Variants in IKZF3 observed in about 807,000 individuals in gnomAD.
IKZF3 encodes the protein IKAROS family zinc finger 3, also known as zinc finger protein Aiolos.
Under a neutral mutation model 49.0 loss-of-function variants are expected in IKZF3, and 10 were observed. That is an observed-to-expected ratio of 0.20 (90% CI 0.13 to 0.35). The LOEUF (loss-of-function observed/expected upper bound fraction) is 0.35. Ranked by LOEUF, IKZF3 falls within the 10% of genes least tolerant of loss-of-function variation. IKZF3 has a pLI of 1.00. For synonymous variants in IKZF3, 209 were observed against 228.2 expected (o/e 0.92, Z 0.76); for missense variants, 498 against 664.8 (o/e 0.75, Z 2.76).
intron 1 of IKZF3, among the ~76,000 whole-genome samples, chr17:39,841,004 C>A (rs2062448355): frequency 6.6e-6 from 1 of 151,942 alleles, no homozygotes; most frequent in Non-Finnish European, 1.5e-5. Flanking sequence ...TGGCGAAACC[C>A]CATCTCTACG....
At chr17:39,807,589 A>G (rs2061462196) in intron 3 of IKZF3, among the ~76,000 whole-genome samples, 2 of 104,518 alleles carry the variant, frequency 1.9e-5, no homozygotes, top group Non-Finnish European at 3.6e-5. Flanking sequence ...GGGCCTCTAT[A>G]TGTTTCCAGC....
chr17:39,858,635 C>T (rs202024816), intron 1 of IKZF3, among the ~76,000 whole-genome samples: 3 of 151,770 alleles, frequency 2.0e-5, no homozygotes, highest in African/African-American at 4.8e-5. Flanking sequence ...CTCAGCCTCC[C>T]GAGTAGCTGG....
rs1026292781 is a variant in IKZF3 at position 39,764,420 on chromosome 17, G to A, written c.*1370C>T. On this transcript the variant is annotated 3_prime_UTR_variant, in exon 8 of 8. Coordinates refer to ENST00000346872, the MANE Select transcript of IKZF3 (RefSeq NM_012481.5). Reference sequence around the variant, plus strand: ...GTCGAGGCTGCACTGAGCCATGATTGCACCACTGCACTCCAGCCTGGGCAA... The same window carrying A: ...GTCGAGGCTGCACTGAGCCATGATTACACCACTGCACTCCAGCCTGGGCAA... 2.8e-5 allele frequency: 4 copies of A among 145,412 alleles called. No homozygotes were observed. Among genetic ancestry groups the A allele is most frequent in the African/African-American group, 1.0e-4 (4 of 38,238 alleles). 9.0% of individuals were successfully genotyped at this position (145,412 alleles called of 1,614,324 possible).
rs1031139206 is a variant in IKZF3, at chr17:39,761,976, A to G, written c.*3814T>C. Reference sequence around the variant, plus strand: ...TGCCCCAGCCTCCCAAAGTGCTGGCATTACAGGCGTGAGCTATCGCGCCCG... The same window carrying G: ...TGCCCCAGCCTCCCAAAGTGCTGGCGTTACAGGCGTGAGCTATCGCGCCCG... On this transcript the variant is annotated 3_prime_UTR_variant, in exon 8 of 8. Coordinates refer to ENST00000346872, the MANE Select transcript of IKZF3 (RefSeq NM_012481.5). 2.0e-5 allele frequency: 3 copies of G among 152,412 alleles called. No homozygotes were observed. The highest frequency in any genetic ancestry group is 1.9e-4 in the East Asian group (1 of 5,214). 9.4% of individuals were successfully genotyped at this position (152,412 alleles called of 1,614,324 possible).
intron 6 of IKZF3, among the ~76,000 whole-genome samples, chr17:39,786,757 C>T (rs182805658): frequency 4.6e-5 from 7 of 152,152 alleles, no homozygotes; most frequent in Non-Finnish European, 4.4e-5. Flanking sequence ...CTGTGTATGA[C>T]CTGTTTGTTT....
chr17:39,846,880 A>G (rs1205372310), intron 1 of IKZF3, among the ~76,000 whole-genome samples: 2 of 152,000 alleles, frequency 1.3e-5, no homozygotes, highest in African/African-American at 4.8e-5. Context: ...GGAAAGCAAA[A>G]TGTCAAATCT....
chr17:39,843,760 T>C (rs2062548212), intron 1 of IKZF3, among the ~76,000 whole-genome samples: 3 of 149,380 alleles, frequency 2.0e-5, no homozygotes, highest in Non-Finnish European at 4.4e-5. Context: ...TGAGCCGAGA[T>C]GGCACCACTG....
intron 3 of IKZF3, among the ~76,000 whole-genome samples, chr17:39,825,556 A>G (rs2061934208): frequency 6.6e-6 from 1 of 152,184 alleles, no homozygotes; most frequent in Admixed American, 6.5e-5. Context: ...GTTGACTGGT[A>G]TCTGGCCCTG....
intron 1 of IKZF3, among the ~76,000 whole-genome samples, chr17:39,847,290 C>A (rs1392388492): frequency 1.3e-5 from 2 of 152,092 alleles, no homozygotes; most frequent in Non-Finnish European, 2.9e-5. Flanking sequence ...ATCCCTATAA[C>A]CGATGAAATT....
chr17:39,854,759 T>G (rs779493975), intron 1 of IKZF3, among the ~76,000 whole-genome samples: 30 of 152,132 alleles, frequency 2.0e-4, no homozygotes, highest in Non-Finnish European at 4.0e-4. Context: ...TTGGACTTGT[T>G]GAGTTGGAAG....
intron 7 of IKZF3, among the ~76,000 whole-genome samples, chr17:39,766,897 G>A (rs1374050960): frequency 2.0e-5 from 3 of 152,024 alleles, no homozygotes; most frequent in Admixed American, 6.6e-5. Flanking sequence ...AGACACAGTC[G>A]GCTCCCAACT....
In IKZF3 at chr17:39,761,205, C is replaced by T. The variant is rs2060174900; in HGVS notation, c.*4585G>A. 6.6e-6 allele frequency: 1 copy of T among 152,200 alleles called. No individual in the cohort carries two copies. The highest frequency in any genetic ancestry group is 1.5e-5 in the Non-Finnish European group (1 of 68,034). The allele number at this position is 152,200 out of a possible 1,614,324, so 9.4% of individuals were successfully genotyped here. A position where few individuals can be genotyped will look rare whatever the true frequency, so the allele number is the denominator to read the frequency against. On this transcript the variant is annotated 3_prime_UTR_variant, in exon 8 of 8. Coordinates refer to ENST00000346872, the MANE Select transcript of IKZF3 (RefSeq NM_012481.5). ...ACAAAGTCAGAAGCTGTGTCAGGAA[C>T]AGCTCACAGTGGGTCATAAAGCATA...
At chr17:39,772,856 T>C (rs2060479338) in intron 7 of IKZF3, among the ~76,000 whole-genome samples, 2 of 152,172 alleles carry the variant, frequency 1.3e-5, no homozygotes, top group Admixed American at 1.3e-4. Flanking sequence ...AACAGAGTCT[T>C]GCTCTGTTGC....
At chr17:39,856,964 T>A (rs919351466) in intron 1 of IKZF3, among the ~76,000 whole-genome samples, 1 of 152,146 alleles carries the variant, frequency 6.6e-6, no homozygotes, top group Non-Finnish European at 1.5e-5. Context: ...TATACACTGA[T>A]CATCTTCAAT....
At chr17:39,818,655 G>T (rs915837309) in intron 3 of IKZF3, among the ~76,000 whole-genome samples, 2 of 152,118 alleles carry the variant, frequency 1.3e-5, no homozygotes, top group African/African-American at 4.8e-5. Flanking sequence ...TTTGAGACCA[G>T]TCTGGCCATC....
rs2060201875 is a variant in IKZF3 at position 39,762,408 on chromosome 17, A to G, written c.*3382T>C. ...TTTTTTCTGGAATTGATGGGCCCCA[A>G]TCTAGGCTCAGAATGCCACAAAGAA... On this transcript the variant is annotated 3_prime_UTR_variant, in exon 8 of 8. Coordinates refer to ENST00000346872, the MANE Select transcript of IKZF3 (RefSeq NM_012481.5). 1 of 152,236 alleles carries G rather than the reference A, an allele frequency of 6.6e-6. No homozygotes were observed. Among genetic ancestry groups the G allele is most frequent in the African/African-American group, 2.4e-5 (1 of 41,456 alleles). 9.4% of individuals were successfully genotyped at this position (152,236 alleles called of 1,614,324 possible).
rs2060166151 is a variant in IKZF3 at position 39,760,821 on chromosome 17, A to T, written c.*4969T>A. ...TAACACAGTGTTTCACCTGAGCAAA[A>T]TTTTGTGTTTTTAAACATTTCTGTT... On this transcript the variant is annotated 3_prime_UTR_variant, in exon 8 of 8. Coordinates refer to ENST00000346872, the MANE Select transcript of IKZF3 (RefSeq NM_012481.5). 6.6e-6 allele frequency: 1 copy of T among 152,202 alleles called. No homozygotes were observed. The highest frequency in any genetic ancestry group is 2.4e-5 in the African/African-American group (1 of 41,454). 9.4% of individuals were successfully genotyped at this position (152,202 alleles called of 1,614,324 possible).
chr17:39,783,778 A>C (rs892407969), intron 6 of IKZF3, among the ~76,000 whole-genome samples: 5 of 152,128 alleles, frequency 3.3e-5, no homozygotes, highest in Non-Finnish European at 7.4e-5. Context: ...AAAACACAAA[A>C]ATTAGCTGGG....
At chr17:39,841,964 T>G (rs931940276) in intron 1 of IKZF3, among the ~76,000 whole-genome samples, 38 of 142,734 alleles carry the variant, frequency 2.7e-4, no homozygotes, top group African/African-American at 1.0e-3. Flanking sequence ...GAGAATCACT[T>G]GAACTCACAA....
Sources: allele counts gnomAD v4.1 joint callset (sites outside exome capture counted in the v4.1 genomes callset), GRCh38; gene constraint gnomAD v4.1.1; transcripts MANE v1.5; gene names NCBI Gene and HGNC (gene_info 2026-07-23, HGNC 2026-07-21).